The following PKNOX2 variants were observed in gnomAD, a reference collection of about 807,000 sequenced individuals.
PKNOX2 encodes the protein PBX/knotted 1 homeobox 2.
PKNOX2 carries 14 observed loss-of-function variants against 53.1 expected under a neutral mutation model. The ratio of observed to expected loss-of-function variants is 0.26; its 90% CI spans 0.17 to 0.41. The LOEUF (loss-of-function observed/expected upper bound fraction) is 0.41, where lower values mean the gene tolerates loss of function less well. PKNOX2 is among the 10% of genes least tolerant of loss of function. The pLI, the probability that PKNOX2 is intolerant of heterozygous loss-of-function variation, is 1.00. For synonymous variants in PKNOX2, 257 were observed against 242.8 expected (o/e 1.06, Z -0.54); for missense variants, 496 against 602.8 (o/e 0.82, Z 1.85).
chr11:125,291,000 A>G (rs1161116071), intron 2 of PKNOX2, among the ~76,000 whole-genome samples: 3 of 152,166 alleles, frequency 2.0e-5, no homozygotes, highest in Non-Finnish European at 2.9e-5. Context: ...AGACAGACGC[A>G]AGACTACACC....
At chr11:125,220,909 G>A (rs1045336214) in intron 1 of PKNOX2, among the ~76,000 whole-genome samples, 1 of 152,092 alleles carries the variant, frequency 6.6e-6, no homozygotes, top group African/African-American at 2.4e-5. Context: ...TCCCATTTCT[G>A]TTCTAATTCT....
At chr11:125,246,967 A>G (rs1056497426) in intron 2 of PKNOX2, among the ~76,000 whole-genome samples, 1 of 152,188 alleles carries the variant, frequency 6.6e-6, no homozygotes, top group Admixed American at 6.5e-5. Flanking sequence ...CTTTACAAGA[A>G]TAAGTTGCTT....
chr11:125,347,613 AG>A (rs376959921), intron 3 of PKNOX2, among the ~76,000 whole-genome samples: 1 of 151,768 alleles, frequency 6.6e-6, no homozygotes, highest in Non-Finnish European at 1.5e-5. Flanking sequence ...CATTTCCTAA[AG>A]GGGTGTGCTT....
chr11:125,313,383 C>T (rs956465051), intron 2 of PKNOX2, among the ~76,000 whole-genome samples: 3 of 152,142 alleles, frequency 2.0e-5, no homozygotes, highest in Admixed American at 6.5e-5. Flanking sequence ...TCTCCTGTCC[C>T]AAGTAGAATT....
intron 6 of PKNOX2, among the ~76,000 whole-genome samples, chr11:125,394,227 T>C (rs1048025980): frequency 6.6e-6 from 1 of 152,182 alleles, no homozygotes; most frequent in Non-Finnish European, 1.5e-5. Flanking sequence ...GTGGCCAAAG[T>C]CAAGTAGAAC....
intron 1 of PKNOX2, among the ~76,000 whole-genome samples, chr11:125,192,178 A>T (rs1381779266): frequency 6.6e-6 from 1 of 152,062 alleles, no homozygotes; most frequent in Non-Finnish European, 1.5e-5. Flanking sequence ...GGTCTCTCTG[A>T]GTCTCGCTTT....
rs559313483 is a variant in PKNOX2 at position 125,418,840 on chromosome 11, A to T, written c.936+6975A>T. ...TTTTTCTTGTCATTATTCCCTAAAC[A>T]ACACAGTATAATAACTATTTATATA... On this transcript the variant is annotated intron_variant, in intron 10 of 12. Coordinates refer to ENST00000298282, the MANE Select transcript of PKNOX2 (RefSeq NM_001382323.2). 4.6e-5 allele frequency among the ~76,000 whole-genome samples: 7 copies of T among 152,112 alleles called. No homozygotes were observed. In the East Asian group the frequency reaches 1.3e-3, roughly 29 times the overall value.
chr11:125,176,145 C>T (rs986149727), intron 1 of PKNOX2, among the ~76,000 whole-genome samples: 2 of 152,146 alleles, frequency 1.3e-5, no homozygotes, highest in Non-Finnish European at 2.9e-5. Context: ...TTAGAGTCAA[C>T]CAACCGGAAT....
intron 10 of PKNOX2, among the ~76,000 whole-genome samples, chr11:125,416,559 G>C (rs895564207): frequency 6.6e-6 from 1 of 151,936 alleles, no homozygotes; most frequent in Non-Finnish European, 1.5e-5. Context: ...TTACAGAAAC[G>C]TACATACTTT....
In PKNOX2 at chr11:125,385,629, C is replaced by T. The variant is rs763656834; in HGVS notation, c.306C>T (p.Ser102=). Residue 102 remains serine (S), a synonymous_variant, in exon 6 of 13, where the codon TCC becomes TCT. Coordinates refer to ENST00000298282, the MANE Select transcript of PKNOX2 (RefSeq NM_001382323.2). ...QATQGSECIT[S]ASFDVDIENF... The stretch of plus-strand genomic sequence containing the variant: ...CCCAGGGCTCTGAGTGCATCACCTC[C>T]GCCAGCTTTGATGTGGACATCGAGA... The T allele has an allele frequency of 1.9e-5, 31 of 1,613,938 alleles. No homozygotes were observed. In the African/African-American group the frequency reaches 2.4e-4, roughly 13 times the overall value.
At chr11:125,346,580 C>T (rs1950981644) in intron 3 of PKNOX2, among the ~76,000 whole-genome samples, 1 of 152,140 alleles carries the variant, frequency 6.6e-6, no homozygotes, top group Admixed American at 6.6e-5. Flanking sequence ...TCATCCAATC[C>T]CAAAGTTTAC....
intron 4 of PKNOX2, 77 bp from the exon 5 acceptor site, chr11:125,367,769 G>A: frequency 4.0e-6 from 6 of 1,509,444 alleles, no homozygotes; most frequent in South Asian, 1.3e-5. Flanking sequence ...ACAGGCCAAG[G>A]CGGACCTCAC....
Position 125,319,955 on chromosome 11 carries a change from G to A in PKNOX2, c.-129-11864G>A, listed in dbSNP as rs1445280938. Among the ~76,000 whole-genome samples, 4 of 152,212 alleles carry A rather than the reference G, an allele frequency of 2.6e-5. No individual in the cohort carries two copies. The East Asian group carries it at 7.7e-4, about 29-fold the overall frequency. On this transcript the variant is annotated intron_variant, in intron 2 of 12. Transcript: ENST00000298282. Reference sequence around the variant, plus strand: ...CCTTCTAGACCATGGTAAAGATTTTGACGTTGATCTCAAGAATGGGAAAGC... The same window carrying A: ...CCTTCTAGACCATGGTAAAGATTTTAACGTTGATCTCAAGAATGGGAAAGC...
chr11:125,185,592 G>A (rs555933836), intron 1 of PKNOX2, among the ~76,000 whole-genome samples: 179 of 152,106 alleles, frequency 1.2e-3, no homozygotes, highest in Middle Eastern at 3.4e-3. Context: ...CTTCATATAA[G>A]CAGAATCATA....
chr11:125,277,879 G>A (rs908394124), intron 2 of PKNOX2, among the ~76,000 whole-genome samples: 2 of 152,032 alleles, frequency 1.3e-5, no homozygotes, highest in African/African-American at 4.8e-5. Flanking sequence ...AATCTTACAT[G>A]TACCCCCCAA....
chr11:125,195,883 G>GCACACACACACACACA (rs56021315), intron 1 of PKNOX2, among the ~76,000 whole-genome samples: 7 of 143,914 alleles, frequency 4.9e-5, no homozygotes, highest in Non-Finnish European at 9.1e-5. Flanking sequence ...ATATGTACAT[G>GCACACACACACACACA]CACACACACA....
chr11:125,246,097 G>A (rs1943543122), intron 2 of PKNOX2, among the ~76,000 whole-genome samples: 1 of 152,208 alleles, frequency 6.6e-6, no homozygotes, highest in Non-Finnish European at 1.5e-5. Context: ...GCCAGGAGGT[G>A]TCTTCATCTG....
chr11:125,353,082 C>A (rs1951405255), intron 4 of PKNOX2, among the ~76,000 whole-genome samples: 1 of 152,238 alleles, frequency 6.6e-6, no homozygotes, highest in Admixed American at 6.5e-5. Context: ...AGCCAGCACA[C>A]ATCGATGCCC....
At position 125,304,463 on chromosome 11, in the gene PKNOX2, G is replaced by A. The variant is rs189092451; in HGVS notation, c.-129-27356G>A. Reference sequence around the variant, plus strand: ...TGGCAGCCTGAGAAGGAGGGGAGCAGCCTGAGAGGCACGGGAAGGGGCACG... The same window carrying A: ...TGGCAGCCTGAGAAGGAGGGGAGCAACCTGAGAGGCACGGGAAGGGGCACG... On this transcript the variant is annotated intron_variant, in intron 2 of 12. Transcript: ENST00000298282. Among the ~76,000 whole-genome samples, 9 of 152,348 alleles carry A rather than the reference G, an allele frequency of 5.9e-5. No individual in the cohort carries two copies. In the East Asian group the frequency reaches 1.7e-3, roughly 29 times the overall value.
Sources: allele counts gnomAD v4.1 joint callset (sites outside exome capture counted in the v4.1 genomes callset), GRCh38; gene constraint gnomAD v4.1.1; transcripts MANE v1.5; gene names NCBI Gene and HGNC (gene_info 2026-07-23, HGNC 2026-07-21).